The following PIBF1 variants were observed in gnomAD, a reference collection of about 807,000 sequenced individuals.
PIBF1 encodes progesterone immunomodulatory binding factor 1.
In PIBF1, 90 loss-of-function variants were observed where a neutral mutation model predicts 112.5. That is an observed-to-expected ratio of 0.80 (90% confidence interval 0.67 to 0.95). The LOEUF (loss-of-function observed/expected upper bound fraction) is 0.95. Ranked by LOEUF, PIBF1 falls within the 40% of genes least tolerant of loss-of-function variation. PIBF1 has a pLI of 0.00. For synonymous variants in PIBF1, 301 were observed against 288.6 expected, an observed-to-expected ratio of 1.04 and a Z score of -0.44; for missense variants, 915 against 852.3, an observed-to-expected ratio of 1.07 and a Z score of -0.92.
intron 11 of PIBF1, among the ~76,000 whole-genome samples, chr13:72,899,487 T>G (rs951237574): frequency 3.3e-5 from 5 of 152,154 alleles, no homozygotes; most frequent in Non-Finnish European, 5.9e-5. Context: ...TCAATAAATG[T>G]GATAACCACA....
intron 17 of PIBF1, among the ~76,000 whole-genome samples, chr13:73,005,781 G>T (rs2044014473): frequency 6.6e-6 from 1 of 152,050 alleles, no homozygotes; most frequent in Non-Finnish European, 1.5e-5. Flanking sequence ...ATATTTCTAT[G>T]GCACAACAGG....
At chr13:72,917,318 C>T (rs942666609) in intron 13 of PIBF1, 152 bp downstream of exon 13, 2 of 407,000 alleles carry the variant, frequency 4.9e-6, no homozygotes, top group Non-Finnish European at 8.8e-6. Context: ...CACTAATAAT[C>T]ATGTATTTCA....
chr13:72,822,176 C>G (rs1308676273), intron 6 of PIBF1, among the ~76,000 whole-genome samples, 194 bp downstream of exon 6: 2 of 152,004 alleles, frequency 1.3e-5, no homozygotes, highest in African/African-American at 4.8e-5. Flanking sequence ...ATTTAGATGT[C>G]ACTGCTGTCT....
chr13:72,968,052 C>T (rs1332208833), intron 15 of PIBF1, among the ~76,000 whole-genome samples: 19 of 151,386 alleles, frequency 1.3e-4, no homozygotes, highest in African/African-American at 4.3e-4. Context: ...GGCGTAGTGG[C>T]GGGCGCCTGT....
chr13:72,921,167 A>G (rs1403043492), intron 13 of PIBF1, among the ~76,000 whole-genome samples: 1 of 152,028 alleles, frequency 6.6e-6, no homozygotes, highest in Non-Finnish European at 1.5e-5. Context: ...CAGTGGCATG[A>G]TCTCGGCTCA....
intron 9 of PIBF1, among the ~76,000 whole-genome samples, chr13:72,839,086 T>C (rs140175812): frequency 1.3e-5 from 2 of 152,328 alleles, no homozygotes; most frequent in Non-Finnish European, 2.9e-5. Context: ...TCTGATTTTA[T>C]ATCAAAAGAT....
intron 12 of PIBF1, among the ~76,000 whole-genome samples, chr13:72,916,488 G>C (rs1054148232): frequency 6.6e-6 from 1 of 151,360 alleles, no homozygotes; most frequent in African/African-American, 2.4e-5. Flanking sequence ...TAACCTGTTA[G>C]TTAAAATTCC....
intron 4 of PIBF1, among the ~76,000 whole-genome samples, chr13:72,795,847 T>G (rs1471949403): frequency 6.6e-6 from 1 of 152,118 alleles, no homozygotes; most frequent in East Asian, 1.9e-4. Context: ...ACAGAGTAGT[T>G]GTTGCCAGGG....
chr13:72,802,845 C>T (rs2035549024), intron 5 of PIBF1, among the ~76,000 whole-genome samples: 1 of 152,078 alleles, frequency 6.6e-6, no homozygotes, highest in Non-Finnish European at 1.5e-5. Flanking sequence ...ACAGCTTGAG[C>T]TCCAGGGCAC....
At chr13:72,799,379 C>T (rs560535692) in intron 5 of PIBF1, among the ~76,000 whole-genome samples, 5 of 152,180 alleles carry the variant, frequency 3.3e-5, no homozygotes, top group Non-Finnish European at 5.9e-5. Flanking sequence ...TAAGTCTTGC[C>T]ATAGAACCAA....
intron 5 of PIBF1, among the ~76,000 whole-genome samples, chr13:72,803,015 T>C (rs1308317940): frequency 6.6e-6 from 1 of 152,194 alleles, no homozygotes; most frequent in Non-Finnish European, 1.5e-5. Flanking sequence ...AGATGAAGAC[T>C]AAGAATTGAC....
chr13:72,808,703 T>C (rs2035859772), intron 5 of PIBF1, among the ~76,000 whole-genome samples: 1 of 152,138 alleles, frequency 6.6e-6, no homozygotes, highest in African/African-American at 2.4e-5. Flanking sequence ...CAGTTTCCCC[T>C]CTCTGGCTAT....
chr13:72,942,659 T>C (rs1480978537), intron 14 of PIBF1, among the ~76,000 whole-genome samples: 1 of 152,182 alleles, frequency 6.6e-6, no homozygotes, highest in Non-Finnish European at 1.5e-5. Flanking sequence ...GTATGATTTA[T>C]AGGGTTCCTT....
intron 9 of PIBF1, among the ~76,000 whole-genome samples, chr13:72,846,890 C>A (rs571099809): frequency 2.0e-5 from 3 of 152,132 alleles, no homozygotes; most frequent in Non-Finnish European, 4.4e-5. Flanking sequence ...GTGCCTGGTA[C>A]GCAGTAAACA....
chr13:72,861,725 C>T (rs528372489), intron 10 of PIBF1, among the ~76,000 whole-genome samples: 1 of 152,136 alleles, frequency 6.6e-6, no homozygotes, highest in East Asian at 1.9e-4. Flanking sequence ...GCCACCACAC[C>T]TGGCTAATTT....
chr13:72,835,459 G>A (rs776503109), intron 9 of PIBF1, 91 bp downstream of exon 9: 158 of 986,620 alleles, frequency 1.6e-4, no homozygotes, highest in East Asian at 1.4e-3. Flanking sequence ...ATTATATAAT[G>A]TCTTTTTTAA....
intron 15 of PIBF1, among the ~76,000 whole-genome samples, chr13:72,971,675 A>G (rs1376911563): frequency 2.0e-5 from 3 of 152,202 alleles, no homozygotes; most frequent in African/African-American, 7.2e-5. Flanking sequence ...AATCATTCAC[A>G]TAGTCCTTTG....
intron 5 of PIBF1, among the ~76,000 whole-genome samples, chr13:72,809,981 GATCTT>G (rs771628913): frequency 6.6e-6 from 1 of 152,056 alleles, no homozygotes. Flanking sequence ...ATTTTTTCCA[GATCTT>G]TAGTTATTTG....
intron 4 of PIBF1, among the ~76,000 whole-genome samples, chr13:72,797,137 G>A (rs1013389225): frequency 1.5e-4 from 23 of 152,126 alleles, no homozygotes; most frequent in African/African-American, 5.6e-4. Context: ...AAGTAATGAT[G>A]TGAAAGATAC....
Sources: allele counts gnomAD v4.1 joint callset (sites outside exome capture counted in the v4.1 genomes callset), GRCh38; gene constraint gnomAD v4.1.1; transcripts MANE v1.5; gene names NCBI Gene and HGNC (gene_info 2026-07-23, HGNC 2026-07-21).